The following STXBP4 variants were observed in gnomAD, a reference collection of about 807,000 sequenced individuals.
STXBP4 encodes syntaxin-binding protein 4.
STXBP4 carries 55 observed loss-of-function variants against 76.1 expected under a neutral mutation model. That is an observed-to-expected ratio of 0.72 (90% CI 0.58 to 0.91). The LOEUF (loss-of-function observed/expected upper bound fraction) is 0.91. Ranked by LOEUF, STXBP4 falls within the 40% of genes least tolerant of loss-of-function variation. STXBP4 has a pLI of 0.00. For synonymous variants in STXBP4, 201 were observed against 220.2 expected (o/e 0.91, Z 0.77); for missense variants, 618 against 636.9 (o/e 0.97, Z 0.32).
chr17:54,973,153 G>T (rs1324473529), intron 1 of STXBP4, among the ~76,000 whole-genome samples: 1 of 152,192 alleles, frequency 6.6e-6, no homozygotes, highest in Admixed American at 6.5e-5. Flanking sequence ...CTCAGCGCAT[G>T]GATAGGGGAA....
chr17:55,091,291 T>G (rs1296829852), intron 16 of STXBP4, among the ~76,000 whole-genome samples: 1 of 152,180 alleles, frequency 6.6e-6, no homozygotes, highest in African/African-American at 2.4e-5. Flanking sequence ...TTTGGAAGGT[T>G]TTTTTGAAAG....
At chr17:55,193,633 G>A in the STXBP4 span, among the ~76,000 whole-genome samples, 5 of 151,262 alleles carry the variant, frequency 3.3e-5, no homozygotes, top group African/African-American at 9.7e-5. Flanking sequence ...GGAGGAAGAG[G>A]ACAAAAAAAG....
At chr17:54,973,381 G>A (rs1177923644) in intron 1 of STXBP4, among the ~76,000 whole-genome samples, 1 of 152,128 alleles carries the variant, frequency 6.6e-6, no homozygotes, top group Non-Finnish European at 1.5e-5. Context: ...TTTGTCTCAG[G>A]TAAAAATCAT....
chr17:55,046,083 T>C (rs1194054883), intron 11 of STXBP4, among the ~76,000 whole-genome samples: 1 of 152,058 alleles, frequency 6.6e-6, no homozygotes, highest in African/African-American at 2.4e-5. Context: ...AAAAGTGCTG[T>C]GGGCTTTATT....
chr17:55,084,739 ATCCTT>A (rs2079302070), intron 16 of STXBP4, among the ~76,000 whole-genome samples: 1 of 152,098 alleles, frequency 6.6e-6, no homozygotes, highest in African/African-American at 2.4e-5. Flanking sequence ...TAAATAGAGA[ATCCTT>A]TCCCCATTTC....
intron 8 of STXBP4, among the ~76,000 whole-genome samples, chr17:55,014,672 C>A (rs1009963971): frequency 6.6e-6 from 1 of 152,166 alleles, no homozygotes; most frequent in African/African-American, 2.4e-5. Flanking sequence ...CTGGATCCAT[C>A]TGGTTAGTGG....
chr17:55,140,562 A>G (rs750988690), intron 16 of STXBP4, among the ~76,000 whole-genome samples: 4 of 152,252 alleles, frequency 2.6e-5, no homozygotes, highest in Middle Eastern at 3.4e-3. Flanking sequence ...ATCAGAATGT[A>G]GGAGAATGTG....
chr17:55,053,795 G>A (rs1475597084), intron 12 of STXBP4, among the ~76,000 whole-genome samples: 1 of 151,992 alleles, frequency 6.6e-6, no homozygotes, highest in East Asian at 1.9e-4. Flanking sequence ...TTTGCATCCT[G>A]AAAATGGACA....
rs1178224494 is a variant in STXBP4, at chr17:55,170,431, G to A, written c.*10520G>A. 6.6e-6 allele frequency: 1 copy of A among 151,480 alleles called. No homozygotes were observed. Among genetic ancestry groups the A allele is most frequent in the African/African-American group, 2.4e-5 (1 of 41,214 alleles). The allele number at this position is 151,480 out of a possible 1,614,324, so 9.4% of individuals were successfully genotyped here. A position where few individuals can be genotyped will look rare whatever the true frequency, so the allele number is the denominator to read the frequency against. ...TATTGTATATATAAACACCATAGAAGATCTGAAAAAAAATTAGATGACATT... is the reference window on the plus strand; with the variant it reads ...TATTGTATATATAAACACCATAGAAAATCTGAAAAAAAATTAGATGACATT... On this transcript the variant is annotated 3_prime_UTR_variant, in exon 18 of 18. Transcript: ENST00000376352.
chr17:55,040,740 C>T lies in STXBP4; in HGVS notation c.856-2496C>T, dbSNP rs528651250. On this transcript the variant is annotated intron_variant, in intron 10 of 17. Coordinates refer to ENST00000376352, the MANE Select transcript of STXBP4 (RefSeq NM_178509.6). ...GTTATTTACCAGCTGTTGCAAAGTTCGGGAGATCCAAGGATCACAAATGAT... is the reference window on the plus strand; with the variant it reads ...GTTATTTACCAGCTGTTGCAAAGTTTGGGAGATCCAAGGATCACAAATGAT... Among the ~76,000 whole-genome samples, 21 of 152,136 alleles carry T rather than the reference C, an allele frequency of 1.4e-4. No homozygotes were observed. The South Asian group carries it at 3.7e-3, about 27-fold the overall frequency.
At position 55,088,371 on chromosome 17, in the gene STXBP4, A is replaced by G. The variant is rs116640667; in HGVS notation, c.1489+7188A>G. 5.9e-3 allele frequency among the ~76,000 whole-genome samples: 897 copies of G among 152,334 alleles called. 11 individuals carry two copies. The highest frequency in any genetic ancestry group is 0.02 in the African/African-American group (840 of 41,590). On this transcript the variant is annotated intron_variant, in intron 16 of 17. Coordinates refer to ENST00000376352, the MANE Select transcript of STXBP4 (RefSeq NM_178509.6). ...GGATTTTCTCAGAAAGCTGAAGGATAAGATTTATTGGCTCTTACAGCTTAA... is the reference window on the plus strand; with the variant it reads ...GGATTTTCTCAGAAAGCTGAAGGATGAGATTTATTGGCTCTTACAGCTTAA...
At chr17:54,983,473 C>T (rs2077578841) in intron 1 of STXBP4, among the ~76,000 whole-genome samples, 1 of 152,248 alleles carries the variant, frequency 6.6e-6, no homozygotes. Flanking sequence ...AAAGACTGCT[C>T]AGTTTTTCAC....
chr17:54,999,339 T>C lies in STXBP4; in HGVS notation c.181-6T>C. The C allele has an allele frequency of 6.2e-7, 1 of 1,602,370 alleles. No individual in the cohort carries two copies. ...GTTCCTTTATAAATGTTACTGTTTT[T>C]GTTAGGATGGTCGTTTGAAGCCAGG... On this transcript the variant is annotated splice_region_variant and splice_polypyrimidine_tract_variant and intron_variant, in intron 4 of 17. Coordinates refer to ENST00000376352, the MANE Select transcript of STXBP4 (RefSeq NM_178509.6).
At chr17:55,056,706 A>G (rs991163410) in intron 12 of STXBP4, among the ~76,000 whole-genome samples, 3 of 152,110 alleles carry the variant, frequency 2.0e-5, no homozygotes, top group Non-Finnish European at 4.4e-5. Context: ...TGTCTCAAAA[A>G]CAAACAAAAA....
chr17:55,073,420 A>G (rs1161723521), intron 13 of STXBP4, among the ~76,000 whole-genome samples: 2 of 152,222 alleles, frequency 1.3e-5, no homozygotes, highest in Non-Finnish European at 2.9e-5. Flanking sequence ...TGGGAATGGG[A>G]GCAGGGGAGT....
chr17:55,114,132 T>C (rs1219239038), intron 16 of STXBP4, among the ~76,000 whole-genome samples: 1 of 152,062 alleles, frequency 6.6e-6, no homozygotes, highest in Non-Finnish European at 1.5e-5. Flanking sequence ...TTGGAAGGCT[T>C]CCTACCTCTT....
chr17:55,084,863 A>C (rs955105584), intron 16 of STXBP4, among the ~76,000 whole-genome samples: 8 of 152,224 alleles, frequency 5.3e-5, no homozygotes, highest in African/African-American at 1.9e-4. Flanking sequence ...GTACCAGTAT[A>C]TAACCAAAGG....
the STXBP4 span, among the ~76,000 whole-genome samples, chr17:55,204,630 G>C: frequency 0.079 from 11,986 of 151,982 alleles, 650 homozygotes; most frequent in African/African-American, 0.16. Context: ...AGTCCCCCTT[G>C]GTGGGCCCTG....
chr17:55,078,022 C>A, intron 13 of STXBP4, 56 bp from the exon 14 acceptor site: 3 of 1,031,860 alleles, frequency 2.9e-6, no homozygotes. Context: ...AAAATAGGGA[C>A]CAGTAATGTA....
Sources: gnomAD v4.1 joint callset for allele counts (sites outside exome capture counted in the v4.1 genomes callset) on GRCh38, gnomAD v4.1.1 for gene constraint, MANE v1.5 for transcripts, NCBI Gene and HGNC (gene_info 2026-07-23, HGNC 2026-07-21) for gene names.